STARD6: variants seen among roughly 807,000 people sequenced by gnomAD.
STARD6 encodes the protein stAR-related lipid transfer protein 6.
STARD6 carries 21 observed loss-of-function variants against 22.3 expected under a neutral mutation model. The ratio of observed to expected loss-of-function variants is 0.94; its 90% CI spans 0.67 to 1.35. The LOEUF (loss-of-function observed/expected upper bound fraction) is 1.35, where lower values mean the gene tolerates loss of function less well. STARD6 is among the 40% of genes most tolerant of loss of function. The probability of loss-of-function intolerance (pLI) is 0.00; values close to 1 mark genes in which losing one functional copy is unlikely to be tolerated. For synonymous variants in STARD6, 80 were observed against 88.1 expected, an observed-to-expected ratio of 0.91 and a Z score of 0.52; for missense variants, 269 against 266.9, an observed-to-expected ratio of 1.01 and a Z score of -0.05.
chr18:54,355,101 CT>C, intron 2 of STARD6, among the ~76,000 whole-genome samples: 1 of 152,324 alleles, frequency 6.6e-6, no homozygotes, highest in South Asian at 2.1e-4. Flanking sequence ...GATCTGACCC[CT>C]GGCTTCCTCT....
chr18:54,354,150 GA>G, intron 3 of STARD6, 47 bp from the exon 4 acceptor site: 1 of 1,224,438 alleles, frequency 8.2e-7, no homozygotes, highest in Non-Finnish European at 1.1e-6. Context: ...TCAAATGCAG[GA>G]AAAATGAAAA....
intron 4 of STARD6, among the ~76,000 whole-genome samples, chr18:54,342,469 C>CTCTCCG (rs1309467249): frequency 5.5e-5 from 8 of 144,874 alleles, no homozygotes; most frequent in East Asian, 3.9e-4. Context: ...CTCTCCCTCC[C>CTCTCCG]TCTCCGTCTC....
rs2089142738 is a variant in STARD6, at chr18:54,356,296, T to G, written c.-5+65A>C. 4 of 152,374 alleles carry G rather than the reference T, an allele frequency of 2.6e-5. 1 individual carries two copies. The Middle Eastern group carries it at 0.01, about 389-fold the overall frequency. 9.4% of individuals were successfully genotyped at this position (152,374 alleles called of 1,614,324 possible). A position where few individuals can be genotyped will look rare whatever the true frequency, so the allele number is the denominator to read the frequency against. ...AACAGGTAGTTGATAGTCTCTATAT[T>G]TGAAAAGTTTTAGTAAACCATTATT... On this transcript the variant is annotated intron_variant, in intron 2 of 7. Transcript: ENST00000307844.
chr18:54,335,918 CT>C (rs2088907084), intron 5 of STARD6, among the ~76,000 whole-genome samples: 1 of 152,082 alleles, frequency 6.6e-6, no homozygotes, highest in East Asian at 1.9e-4. Context: ...TCAATTAAAC[CT>C]TTTTTCTTCA....
intron 4 of STARD6, among the ~76,000 whole-genome samples, chr18:54,348,347 C>T (rs990293261): frequency 6.6e-6 from 1 of 152,100 alleles, no homozygotes; most frequent in African/African-American, 2.4e-5. Flanking sequence ...AAAGTAGTAT[C>T]CTAAACAAGC....
At position 54,324,557 on chromosome 18, in the gene STARD6, A is replaced by G. The variant is rs1031352772; in HGVS notation, c.*135T>C. On this transcript the variant is annotated 3_prime_UTR_variant, in exon 8 of 8. Coordinates refer to ENST00000307844, the MANE Select transcript of STARD6 (RefSeq NM_139171.2). ...CTATGAGTTCTTATTTTTATGAACT[A>G]TCTTCAGCCATGTGTACAAGAATAC... The G allele has an allele frequency of 1.4e-6, 1 of 739,226 alleles. No homozygotes were observed. Among genetic ancestry groups the G allele is most frequent in the Non-Finnish European group, 2.0e-6 (1 of 491,214 alleles). The allele number at this position is 739,226 out of a possible 1,614,324, so 45.8% of individuals were successfully genotyped here.
intron 4 of STARD6, among the ~76,000 whole-genome samples, chr18:54,339,555 G>C (rs1302577020): frequency 6.6e-6 from 1 of 150,978 alleles, no homozygotes. Flanking sequence ...AACAATGGAG[G>C]CCAGAAGGAA....
intron 4 of STARD6, among the ~76,000 whole-genome samples, chr18:54,344,903 G>C (rs999175691): frequency 6.6e-6 from 1 of 152,144 alleles, no homozygotes; most frequent in Non-Finnish European, 1.5e-5. Flanking sequence ...CCCTCAACTT[G>C]ATAAAGGGCA....
intron 7 of STARD6, among the ~76,000 whole-genome samples, chr18:54,327,477 A>G (rs2088833496): frequency 6.6e-6 from 1 of 152,188 alleles, no homozygotes; most frequent in South Asian, 2.1e-4. Flanking sequence ...GAAAGGAATG[A>G]TGTAAAGTTT....
intron 6 of STARD6, among the ~76,000 whole-genome samples, chr18:54,330,857 A>T (rs903823622): frequency 6.6e-6 from 1 of 152,144 alleles, no homozygotes; most frequent in Admixed American, 6.5e-5. Context: ...TAGGCAGTGA[A>T]TACATTATAT....
At chr18:54,341,086 T>C (rs1657878) in intron 4 of STARD6, among the ~76,000 whole-genome samples, 10,378 of 152,222 alleles carry the variant, frequency 0.068, 406 homozygotes, top group African/African-American at 0.091. Flanking sequence ...GACAGAGTCT[T>C]GCTCTGTTGC....
At chr18:54,326,232 T>C (rs1222983364) in intron 7 of STARD6, among the ~76,000 whole-genome samples, 1 of 152,126 alleles carries the variant, frequency 6.6e-6, no homozygotes, top group African/African-American at 2.4e-5. Context: ...AAAATCTGAT[T>C]AGTGGCTAGT....
At chr18:54,339,417 T>C (rs959200979) in intron 4 of STARD6, among the ~76,000 whole-genome samples, 2 of 151,772 alleles carry the variant, frequency 1.3e-5, no homozygotes, top group Non-Finnish European at 2.9e-5. Flanking sequence ...AAACATCCAC[T>C]TCCAGATATA....
rs1392082386 is a variant in STARD6 at position 54,343,517 on chromosome 18, G to A, written c.141-6266C>T. ...TGGGAAGTGAGGAGCCCCTCTGCCC[G>A]GCCAGCCGCCCCGTCCGGGAGGGAG... is the stretch of plus-strand genomic sequence containing the variant. On this transcript the variant is annotated intron_variant, in intron 4 of 7. Transcript: ENST00000307844. Among the ~76,000 whole-genome samples, 92 of 86,178 alleles carry A rather than the reference G, an allele frequency of 1.1e-3. 2 individuals carry two copies. The highest frequency in any genetic ancestry group is 1.8e-3 in the African/African-American group (32 of 17,518). The allele number at this position is 86,178 out of a possible 152,430, so 56.5% of individuals were successfully genotyped here.
chr18:54,331,865 A>G lies in STARD6; in HGVS notation c.268-6T>C, dbSNP rs2088868583. ...GTATGACATATGAATGTGTCCTGCA[A>G]CAAATCAAACCGTAAAGATAACAAA... On this transcript the variant is annotated splice_region_variant and splice_polypyrimidine_tract_variant and intron_variant, in intron 5 of 7. Transcript: ENST00000307844. 2 of 1,559,730 alleles carry G rather than the reference A, an allele frequency of 1.3e-6. No individual in the cohort carries two copies. The highest frequency in any genetic ancestry group is 1.8e-6 in the Non-Finnish European group (2 of 1,135,926).
intron 4 of STARD6, among the ~76,000 whole-genome samples, chr18:54,344,740 T>C (rs1341030180): frequency 6.6e-6 from 1 of 152,036 alleles, no homozygotes; most frequent in African/African-American, 2.4e-5. Context: ...GCAAGGTTGG[T>C]TTACCATATG....
At position 54,324,980 on chromosome 18, in the gene STARD6, A is replaced by G. The variant is rs1024090901; in HGVS notation, c.480-105T>C. ...GATTCTTATCTTATTCACCGTTGAC[A>G]TACTTAAAAATTGTACTTAAAAATA... On this transcript the variant is annotated intron_variant, in intron 7 of 7. Coordinates refer to ENST00000307844, the MANE Select transcript of STARD6 (RefSeq NM_139171.2). 8.1e-6 allele frequency: 7 copies of G among 862,788 alleles called. No homozygotes were observed. The South Asian group carries it at 1.9e-4, about 23-fold the overall frequency. The allele number at this position is 862,788 out of a possible 1,614,324, so 53.4% of individuals were successfully genotyped here. A position where few individuals can be genotyped will look rare whatever the true frequency, so the allele number is the denominator to read the frequency against.
intron 4 of STARD6, among the ~76,000 whole-genome samples, chr18:54,350,968 G>C (rs931693282): frequency 6.6e-6 from 1 of 151,980 alleles, no homozygotes; most frequent in Non-Finnish European, 1.5e-5. Context: ...TATGTGGACT[G>C]TTTTTTGGTT....
chr18:54,354,585 TTTTAAAA>T lies in STARD6; in HGVS notation c.-4-15_-4-9del, dbSNP rs748532542. 1.9e-6 allele frequency: 3 copies of T among 1,601,502 alleles called. No individual in the cohort carries two copies. The South Asian group carries it at 3.4e-5, about 18-fold the overall frequency. ...GCCTTGAAGTCCATCTATCTGCAAGTTTTAAAAACAAACAACTGGTAAGAATATAACC... is the reference window on the plus strand; with the variant it reads ...GCCTTGAAGTCCATCTATCTGCAAGTACAAACAACTGGTAAGAATATAACC... On this transcript the variant is annotated splice_polypyrimidine_tract_variant and intron_variant, in intron 2 of 7. Transcript: ENST00000307844.
Sources: allele counts gnomAD v4.1 joint callset (sites outside exome capture counted in the v4.1 genomes callset), GRCh38; gene constraint gnomAD v4.1.1; transcripts MANE v1.5; gene names NCBI Gene and HGNC (gene_info 2026-07-23, HGNC 2026-07-21).